The following BICDL1 variants were observed in gnomAD, a reference collection of about 807,000 sequenced individuals.
BICDL1 encodes BICD family-like cargo adapter 1.
BICDL1 carries 20 observed loss-of-function variants against 76.8 expected under a neutral mutation model. The ratio of observed to expected loss-of-function variants is 0.26; its 90% CI spans 0.18 to 0.38. The LOEUF (loss-of-function observed/expected upper bound fraction) is 0.38. Ranked by LOEUF, BICDL1 falls within the 10% of genes least tolerant of loss-of-function variation. The pLI, the probability that BICDL1 is intolerant of heterozygous loss-of-function variation, is 1.00. For missense variants in BICDL1, 700 were observed against 798.6 expected (o/e 0.88, Z 1.49); for synonymous variants, 383 against 337.1 (o/e 1.14, Z -1.49).
chr12:120,090,792 G>A (rs116616872), intron 9 of BICDL1: 9 of 940,378 alleles, frequency 9.6e-6, no homozygotes, highest in African/African-American at 8.5e-5. Flanking sequence ...CATGGGGCTG[G>A]CAGCCAGAAC....
At chr12:120,081,437 T>G (rs2138987449) in intron 8 of BICDL1, among the ~76,000 whole-genome samples, 1 of 149,320 alleles carries the variant, frequency 6.7e-6, no homozygotes, top group African/African-American at 2.5e-5. Context: ...CTGCAACCTC[T>G]GCCTCTGGGT....
intron 2 of BICDL1, among the ~76,000 whole-genome samples, chr12:120,028,717 C>T (rs1196611739): frequency 4.6e-5 from 7 of 151,974 alleles, no homozygotes; most frequent in Admixed American, 1.3e-4. Flanking sequence ...TGAAAATTAG[C>T]GAGAAAATAG....
chr12:120,066,735 GA>G (rs1286619342), intron 4 of BICDL1, among the ~76,000 whole-genome samples: 1 of 152,206 alleles, frequency 6.6e-6, no homozygotes, highest in East Asian at 1.9e-4. Flanking sequence ...CAGTTCATGT[GA>G]AACTCTCCAG....
At chr12:120,017,397 A>G (rs1357887603) in intron 2 of BICDL1, among the ~76,000 whole-genome samples, 1 of 152,210 alleles carries the variant, frequency 6.6e-6, no homozygotes. Context: ...TGACTTGTTT[A>G]GAAATAAATG....
At chr12:120,032,769 A>G (rs1952449555) in intron 2 of BICDL1, among the ~76,000 whole-genome samples, 1 of 121,064 alleles carries the variant, frequency 8.3e-6, no homozygotes, top group African/African-American at 3.5e-5. Flanking sequence ...TTTTTTTGAG[A>G]TGGAGTCTTG....
intron 2 of BICDL1, among the ~76,000 whole-genome samples, chr12:120,006,340 AATTCATTC>A (rs369296653): frequency 2.0e-5 from 3 of 152,258 alleles, no homozygotes; most frequent in East Asian, 1.9e-4. Flanking sequence ...CAATTTGAAA[AATTCATTC>A]ATTCATTCAT....
rs1262385889 is a variant in BICDL1, at chr12:119,989,382, G to T, written c.-487G>T. 6.6e-6 allele frequency among the ~76,000 whole-genome samples: 1 copy of T among 150,896 alleles called. No homozygotes were observed. Among genetic ancestry groups the T allele is most frequent in the Admixed American group, 6.6e-5 (1 of 15,180 alleles). On this transcript the variant is annotated 5_prime_UTR_variant, in exon 1 of 10. Coordinates refer to ENST00000548673, the MANE Select transcript of BICDL1 (RefSeq NM_001367886.1). ...AGTGCGGCTGCAGAGAGCGGCCGCC[G>T]GCAACAGCAGCAGCAGCAGGAAGCG...
intron 6 of BICDL1, 127 bp from the exon 7 acceptor site, chr12:120,074,316 C>A: frequency 2.1e-6 from 1 of 466,318 alleles, no homozygotes; most frequent in Non-Finnish European, 2.9e-6. Flanking sequence ...TATCTTTCCC[C>A]ACATCATTCC....
intron 7 of BICDL1, among the ~76,000 whole-genome samples, chr12:120,077,029 G>A (rs532012045): frequency 5.9e-5 from 9 of 152,330 alleles, no homozygotes; most frequent in Non-Finnish European, 1.2e-4. Context: ...GCAAGGCCCA[G>A]ACATGGTTAG....
At position 120,091,118 on chromosome 12, in the gene BICDL1, G is replaced by A. The variant is rs887182681; in HGVS notation, c.1704+1047G>A. Reference sequence around the variant, plus strand: ...GGCCCACTGTGTTCTGTGTGCTGGAGCCTGGCGTCATCTCTGTGCAGTGTG... The same window carrying A: ...GGCCCACTGTGTTCTGTGTGCTGGAACCTGGCGTCATCTCTGTGCAGTGTG... On this transcript the variant is annotated intron_variant, in intron 9 of 9. Transcript: ENST00000548673. 6 of 1,257,024 alleles carry A rather than the reference G, an allele frequency of 4.8e-6. No homozygotes were observed. In the African/African-American group the frequency reaches 6.2e-5, roughly 13 times the overall value. The allele number at this position is 1,257,024 out of a possible 1,614,324, so 77.9% of individuals were successfully genotyped here.
Position 120,093,448 on chromosome 12 carries a change from G to T in BICDL1, c.*287G>T. The stretch of plus-strand genomic sequence containing the variant: ...AGCAGGGTTAGGCCACCTCCCAGAG[G>T]GGCCCCTTGGTGTTGGGCTTTGCAG... On this transcript the variant is annotated 3_prime_UTR_variant, in exon 10 of 10. Transcript: ENST00000548673. 1 of 420,080 alleles carries T rather than the reference G, an allele frequency of 2.4e-6. No individual in the cohort carries two copies. The allele number at this position is 420,080 out of a possible 1,614,324, so 26.0% of individuals were successfully genotyped here. A position where few individuals can be genotyped will look rare whatever the true frequency, so the allele number is the denominator to read the frequency against.
chr12:120,057,070 C>G, intron 2 of BICDL1: 1 of 521,298 alleles, frequency 1.9e-6, no homozygotes, highest in African/African-American at 1.9e-5. Context: ...TCAGGCTGTC[C>G]TCCTCCACCT....
intron 2 of BICDL1, among the ~76,000 whole-genome samples, chr12:120,039,563 G>T (rs1038554175): frequency 6.7e-6 from 1 of 149,958 alleles, no homozygotes; most frequent in Non-Finnish European, 1.5e-5. Flanking sequence ...GCTTGAACCC[G>T]GGAGGCGGAA....
intron 5 of BICDL1, among the ~76,000 whole-genome samples, chr12:120,072,054 A>G (rs926794626): frequency 5.3e-5 from 8 of 152,228 alleles, no homozygotes; most frequent in Non-Finnish European, 7.3e-5. Context: ...GGCACAGCCA[A>G]TTCCCACTCA....
chr12:120,086,290 C>T (rs1369584008), intron 8 of BICDL1, among the ~76,000 whole-genome samples: 1 of 152,168 alleles, frequency 6.6e-6, no homozygotes, highest in African/African-American at 2.4e-5. Flanking sequence ...TTTTGTTATA[C>T]AAGAATTGAG....
At chr12:119,994,085 T>C (rs1418797653) in intron 1 of BICDL1, among the ~76,000 whole-genome samples, 1 of 152,252 alleles carries the variant, frequency 6.6e-6, no homozygotes, top group African/African-American at 2.4e-5. Context: ...AAATATTTGT[T>C]GTTAATGTAC....
intron 2 of BICDL1, among the ~76,000 whole-genome samples, chr12:120,014,719 C>T (rs925987086): frequency 1.3e-5 from 2 of 151,338 alleles, no homozygotes; most frequent in Non-Finnish European, 2.9e-5. Context: ...CCATTCTTGG[C>T]TGGGTGTGGT....
chr12:120,089,407 C>T (rs113965854), intron 8 of BICDL1, among the ~76,000 whole-genome samples: 7,505 of 151,354 alleles, frequency 0.05, 218 homozygotes, highest in South Asian at 0.083. Flanking sequence ...GTGTGTGTGA[C>T]GGAGTTCTGC....
chr12:120,062,639 G>A (rs563464415), intron 3 of BICDL1, among the ~76,000 whole-genome samples: 12 of 152,238 alleles, frequency 7.9e-5, no homozygotes, highest in East Asian at 1.9e-4. Context: ...TGCCCTGCTC[G>A]GTAAATGACC....
Sources: gnomAD v4.1 joint callset for allele counts (sites outside exome capture counted in the v4.1 genomes callset) on GRCh38, gnomAD v4.1.1 for gene constraint, MANE v1.5 for transcripts, NCBI Gene and HGNC (gene_info 2026-07-23, HGNC 2026-07-21) for gene names.